FBXO42: variants seen among roughly 807,000 people sequenced by gnomAD.
FBXO42 encodes the protein F-box protein 42, also known as F-box only protein 42.
In FBXO42, 12 loss-of-function variants were observed where a neutral mutation model predicts 71.7. The observed-to-expected ratio is 0.17, with a 90% CI of 0.11 to 0.27. The LOEUF is 0.27. Among genes scored for constraint, FBXO42 ranks in the 10% least tolerant of loss-of-function variants. The pLI is 1.00. For synonymous variants in FBXO42, 325 were observed against 327.5 expected (o/e 0.99, Z 0.08); for missense variants, 707 against 911.9 (o/e 0.78, Z 2.89).
At chr1:16,283,583 C>T (rs1408557919) in intron 4 of FBXO42, among the ~76,000 whole-genome samples, 1 of 148,744 alleles carries the variant, frequency 6.7e-6, no homozygotes, top group East Asian at 2.0e-4. Flanking sequence ...CTGCAACCTC[C>T]ACCTCCCGGG....
At chr1:16,301,680 A>C (rs909536733) in intron 3 of FBXO42, among the ~76,000 whole-genome samples, 10 of 139,300 alleles carry the variant, frequency 7.2e-5, no homozygotes, top group Admixed American at 2.1e-4. Flanking sequence ...CAAAAAAAAA[A>C]AAACAACAAA....
intron 7 of FBXO42, 91 bp from the exon 8 acceptor site, chr1:16,253,243 G>T: frequency 9.2e-7 from 1 of 1,086,890 alleles, no homozygotes; most frequent in Non-Finnish European, 1.3e-6. Context: ...AGCCTACCTA[G>T]CTCCCAAATG....
At chr1:16,315,996 C>T (rs2082359739) in intron 1 of FBXO42, among the ~76,000 whole-genome samples, 1 of 151,614 alleles carries the variant, frequency 6.6e-6, no homozygotes, top group Non-Finnish European at 1.5e-5. Flanking sequence ...CATGGAGAAA[C>T]CCCGTCTCTA....
intron 4 of FBXO42, among the ~76,000 whole-genome samples, chr1:16,263,744 A>AC (rs398102474): frequency 5.1e-4 from 76 of 148,872 alleles, no homozygotes; most frequent in Middle Eastern, 3.4e-3. Context: ...ACAAAAAAAA[A>AC]CCGAAAAACC....
intron 4 of FBXO42, among the ~76,000 whole-genome samples, chr1:16,290,556 G>A (rs2082066576): frequency 6.6e-6 from 1 of 152,112 alleles, no homozygotes. Flanking sequence ...GCCAGGCATG[G>A]TGGCACACAC....
chr1:16,288,179 C>T (rs915388216), intron 4 of FBXO42, among the ~76,000 whole-genome samples: 9 of 151,780 alleles, frequency 5.9e-5, no homozygotes, highest in African/African-American at 1.7e-4. Flanking sequence ...GTGGCTCAAG[C>T]GTGTAATCCC....
At position 16,318,397 on chromosome 1, in the gene FBXO42, G is replaced by A. The variant is rs147940550; in HGVS notation, c.-17-2962C>T. Among the ~76,000 whole-genome samples, 189 of 151,722 alleles carry A rather than the reference G, an allele frequency of 1.2e-3. 1 individual carries two copies. The highest frequency in any genetic ancestry group is 4.4e-3 in the African/African-American group (180 of 41,254). Reference sequence around the variant, plus strand: ...CGCTCCACTGCACTCCAGCCTGGGCGACAGAGCAAGACTCCGTCTTAAATA... The same window carrying A: ...CGCTCCACTGCACTCCAGCCTGGGCAACAGAGCAAGACTCCGTCTTAAATA... On this transcript the variant is annotated intron_variant, in intron 1 of 9. Transcript: ENST00000375592.
chr1:16,255,654 G>A (rs2081635046), intron 6 of FBXO42, 57 bp downstream of exon 6: 1 of 1,445,476 alleles, frequency 6.9e-7, no homozygotes, highest in Non-Finnish European at 9.6e-7. Flanking sequence ...TTTTAAACCT[G>A]TTATTCCCAG....
chr1:16,252,231 G>A lies in FBXO42; in HGVS notation c.1038+57C>T, dbSNP rs202125859. ...TTTCTTTGTAACCTGACAAAGTAAT[G>A]TGGTTTTCCACAATTTAGGACCTGT... On this transcript the variant is annotated intron_variant, in intron 9 of 9. Coordinates refer to ENST00000375592, the MANE Select transcript of FBXO42 (RefSeq NM_018994.3). This position sits in a 1 kb window ranked among gnomAD's most constrained non-coding sequence, Gnocchi z 4.4. The A allele has an allele frequency of 3.4e-4, 440 of 1,294,872 alleles. 2 individuals are homozygous for A. Among genetic ancestry groups the A allele is most frequent in the Middle Eastern group, 1.9e-4 (1 of 5,356 alleles). 80.2% of individuals were successfully genotyped at this position (1,294,872 alleles called of 1,614,324 possible).
At chr1:16,349,110 T>C (rs1313672793) in intron 1 of FBXO42, among the ~76,000 whole-genome samples, 1 of 150,464 alleles carries the variant, frequency 6.6e-6, no homozygotes, top group African/African-American at 2.4e-5. Context: ...GGAACTGTCA[T>C]GACAGTGAAT....
chr1:16,254,191 A>G (rs1427196683), intron 6 of FBXO42, among the ~76,000 whole-genome samples: 1 of 152,164 alleles, frequency 6.6e-6, no homozygotes, highest in East Asian at 1.9e-4. Context: ...CTGCGGCCAG[A>G]CACTAGTGCC....
chr1:16,302,833 A>G (rs917994530), intron 3 of FBXO42, among the ~76,000 whole-genome samples: 1 of 152,156 alleles, frequency 6.6e-6, no homozygotes, highest in Non-Finnish European at 1.5e-5. Context: ...TTAAACCATC[A>G]GATCTCATGA....
chr1:16,317,487 T>C (rs932541608), intron 1 of FBXO42, among the ~76,000 whole-genome samples: 2 of 151,790 alleles, frequency 1.3e-5, no homozygotes, highest in Admixed American at 1.3e-4. Flanking sequence ...TCCCAGTTAC[T>C]TGGGAGGATG....
At chr1:16,301,680 A>AC (rs2082196487) in intron 3 of FBXO42, among the ~76,000 whole-genome samples, 2 of 139,388 alleles carry the variant, frequency 1.4e-5, no homozygotes, top group South Asian at 4.4e-4. Context: ...CAAAAAAAAA[A>AC]AAACAACAAA....
intron 1 of FBXO42, among the ~76,000 whole-genome samples, chr1:16,328,935 C>T (rs1041418578): frequency 2.0e-5 from 3 of 151,876 alleles, no homozygotes; most frequent in Non-Finnish European, 4.4e-5. Flanking sequence ...GAGGCTGAGG[C>T]GGGTGAATCA....
chr1:16,335,962 G>A (rs986300700), intron 1 of FBXO42, among the ~76,000 whole-genome samples: 9 of 151,098 alleles, frequency 6.0e-5, no homozygotes, highest in African/African-American at 1.5e-4. Flanking sequence ...ATGGAGTTTC[G>A]CTCTTGTTGC....
At chr1:16,270,047 G>T (rs58158339) in intron 4 of FBXO42, among the ~76,000 whole-genome samples, 1 of 151,646 alleles carries the variant, frequency 6.6e-6, no homozygotes, top group Non-Finnish European at 1.5e-5. Context: ...GTATAGACAG[G>T]GTTTCATCAT....
intron 1 of FBXO42, among the ~76,000 whole-genome samples, chr1:16,316,169 C>CAAAAAAA (rs58485035): frequency 4.6e-5 from 5 of 109,042 alleles, no homozygotes; most frequent in Non-Finnish European, 7.3e-5. Flanking sequence ...ACCTCCATCT[C>CAAAAAAA]AAAAAAAAAA....
chr1:16,254,079 C>A lies in FBXO42; in HGVS notation c.768-348G>T, dbSNP rs372284171. Among the ~76,000 whole-genome samples the A allele has an allele frequency of 2.3e-4, 35 of 152,330 alleles. No homozygotes were observed. In the East Asian group the frequency reaches 6.0e-3, roughly 26 times the overall value. On this transcript the variant is annotated intron_variant, in intron 6 of 9. Coordinates refer to ENST00000375592, the MANE Select transcript of FBXO42 (RefSeq NM_018994.3). ...AAGATGCGCAGCAAAGTGTTATGCTCCTACTTAGCACTTAGGCTGTATCTT... is the reference window on the plus strand; with the variant it reads ...AAGATGCGCAGCAAAGTGTTATGCTACTACTTAGCACTTAGGCTGTATCTT...
Sources: allele counts gnomAD v4.1 joint callset (sites outside exome capture counted in the v4.1 genomes callset), GRCh38; gene constraint gnomAD v4.1.1; non-coding constraint Gnocchi (gnomAD v3.1); transcripts MANE v1.5; gene names NCBI Gene and HGNC (gene_info 2026-07-23, HGNC 2026-07-21).